The following CCDC81 variants were observed in gnomAD, a reference collection of about 807,000 sequenced individuals.
CCDC81 encodes coiled-coil domain-containing protein 81.
CCDC81 carries 79 observed loss-of-function variants against 83.7 expected under a neutral mutation model. The observed-to-expected ratio is 0.94, with a 90% CI of 0.79 to 1.14. CCDC81 has a LOEUF of 1.14. CCDC81 is among the 50% of genes most tolerant of loss of function. The probability of loss-of-function intolerance (pLI) is 0.00; values close to 1 mark genes in which losing one functional copy is unlikely to be tolerated. For synonymous variants in CCDC81, 252 were observed against 278.1 expected (o/e 0.91, Z 0.93); for missense variants, 791 against 778.1 (o/e 1.02, Z -0.20).
At chr11:86,381,062 G>A (rs965234526) in intron 1 of CCDC81, among the ~76,000 whole-genome samples, 1 of 152,108 alleles carries the variant, frequency 6.6e-6, no homozygotes, top group Admixed American at 6.6e-5. Context: ...TAATGTAGGG[G>A]TAGAGTGTGG....
intron 7 of CCDC81, 39 bp from the exon 8 acceptor site, chr11:86,407,575 T>C: frequency 1.5e-6 from 2 of 1,344,484 alleles, no homozygotes; most frequent in African/African-American, 1.4e-5. Context: ...TGAGGTCAGA[T>C]TGTATTAAAC....
At chr11:86,406,705 C>T (rs541003641) in intron 7 of CCDC81, among the ~76,000 whole-genome samples, 3 of 151,840 alleles carry the variant, frequency 2.0e-5, no homozygotes, top group South Asian at 2.1e-4. Context: ...CTCAGGAGGC[C>T]GAGGCAGGAG....
intron 1 of CCDC81, among the ~76,000 whole-genome samples, chr11:86,375,504 T>A (rs1397036410): frequency 1.3e-5 from 2 of 152,060 alleles, no homozygotes; most frequent in Non-Finnish European, 2.9e-5. Flanking sequence ...AAGTGCTCAA[T>A]AAAGGTTAGG....
At chr11:86,397,859 C>CTTT in intron 6 of CCDC81, 117 bp downstream of exon 6, 1 of 1,096,910 alleles carries the variant, frequency 9.1e-7, no homozygotes, top group Non-Finnish European at 1.2e-6. Flanking sequence ...ATTATTATTA[C>CTTT]TTTTTTTTTT....
intron 3 of CCDC81, among the ~76,000 whole-genome samples, chr11:86,387,886 A>G (rs2138502873): frequency 6.6e-6 from 1 of 152,328 alleles, no homozygotes; most frequent in Admixed American, 6.5e-5. Flanking sequence ...AAGAGGAAGG[A>G]GTGAAAAAAC....
Position 86,415,173 on chromosome 11 carries a change from G to A in CCDC81, c.1551G>A (p.Leu517=), listed in dbSNP as rs753444162. 1 of 1,614,232 alleles carries A rather than the reference G, an allele frequency of 6.2e-7. No homozygotes were observed. The highest frequency in any genetic ancestry group is 8.5e-7 in the Non-Finnish European group (1 of 1,180,048). ...EPIFGKNEGE[L]MVEKQKREQN... ...TCTTTGGTAAGAATGAGGGTGAACTGATGGTGGAAAAGCAAAAGCGAGAAC... is the reference window on the plus strand; with the variant it reads ...TCTTTGGTAAGAATGAGGGTGAACTAATGGTGGAAAAGCAAAAGCGAGAAC... Residue 517 remains leucine (L), a synonymous_variant, in exon 13 of 15, where the codon CTG becomes CTA. Transcript: ENST00000445632.
In CCDC81 at chr11:86,397,675, ATG is replaced by A. The variant is rs757326751; in HGVS notation, c.693_694del (p.Cys231TrpfsTer4). 1 of 1,613,894 alleles carries A rather than the reference ATG, an allele frequency of 6.2e-7. No individual in the cohort carries two copies. Among genetic ancestry groups the A allele is most frequent in the Non-Finnish European group, 8.5e-7 (1 of 1,179,862 alleles). On this transcript the variant is annotated frameshift_variant, in exon 6 of 15. Coordinates refer to ENST00000445632, the MANE Select transcript of CCDC81 (RefSeq NM_001156474.2). LOFTEE classifies it high-confidence loss of function. Reference protein sequence around the residue: ...KLPMETLVEECGENRERKCKL... With the variant: ...KLPMETLVEEXGENRERKCKL... The stretch of plus-strand genomic sequence containing the variant: ...TGCCTATGGAGACCCTTGTAGAAGA[ATG>A]TGGAGAGAATAGAGAAAGGAAGTGC...
Position 86,386,616 on chromosome 11 carries a change from T to C in CCDC81, c.141+504T>C, listed in dbSNP as rs529923125. Among the ~76,000 whole-genome samples the C allele has an allele frequency of 7.9e-5, 12 of 152,304 alleles. No individual in the cohort carries two copies. In the East Asian group the frequency reaches 1.7e-3, roughly 22 times the overall value. On this transcript the variant is annotated intron_variant, in intron 2 of 14. Transcript: ENST00000445632. ...ACTGGACAGAGATTTGGGGATGAGC[T>C]TGGGGGAAGCTGGGAAGTTGTGGAA...
intron 11 of CCDC81, 88 bp from the exon 12 acceptor site, chr11:86,414,701 T>C: frequency 1.3e-6 from 1 of 755,552 alleles, no homozygotes; most frequent in Non-Finnish European, 2.2e-6. Flanking sequence ...TCCTATTTAA[T>C]ACTTATTAAA....
chr11:86,404,405 G>C (rs1948537145), intron 7 of CCDC81, among the ~76,000 whole-genome samples: 1 of 152,182 alleles, frequency 6.6e-6, no homozygotes, highest in South Asian at 2.1e-4. Context: ...GTCAGGGACT[G>C]TATGGCCCTC....
At position 86,422,008 on chromosome 11, in the gene CCDC81, GAA is replaced by G. The variant is rs1357471067; in HGVS notation, c.1818-564_1818-563del. Reference sequence around the variant, plus strand: ...GTAACGAAGAAAAACCATCAAAGGGGAAAGTCAGTTACTACTGCCTCTTTATT... The same window carrying G: ...GTAACGAAGAAAAACCATCAAAGGGGAGTCAGTTACTACTGCCTCTTTATT... On this transcript the variant is annotated intron_variant, in intron 14 of 14. Coordinates refer to ENST00000445632, the MANE Select transcript of CCDC81 (RefSeq NM_001156474.2). Among the ~76,000 whole-genome samples, 6 of 152,220 alleles carry G rather than the reference GAA, an allele frequency of 3.9e-5. No individual in the cohort carries two copies. In the East Asian group the frequency reaches 1.2e-3, roughly 29 times the overall value.
Position 86,422,630 on chromosome 11 carries a change from A to G in CCDC81, c.1874A>G (p.Gln625Arg), listed in dbSNP as rs1169762915. Reference protein sequence around the residue: ...DQCEKYRRCKQCQRRTSNVGE... With the variant: ...DQCEKYRRCKRCQRRTSNVGE... ...TGTGAGAAGTATCGGCGCTGCAAGCAATGCCAGAGGCGCACCTCCAACGTG... is the reference window on the plus strand; with the variant it reads ...TGTGAGAAGTATCGGCGCTGCAAGCGATGCCAGAGGCGCACCTCCAACGTG... Residue 625 changes from glutamine (Q) to arginine (R), a missense_variant, in exon 15 of 15, where the codon CAA (glutamine) becomes CGA (arginine). Coordinates refer to ENST00000445632, the MANE Select transcript of CCDC81 (RefSeq NM_001156474.2). 6.2e-7 allele frequency: 1 copy of G among 1,614,098 alleles called. No homozygotes were observed. Among genetic ancestry groups the G allele is most frequent in the Non-Finnish European group, 8.5e-7 (1 of 1,179,968 alleles).
rs201589694 is a variant in CCDC81 at position 86,412,512 on chromosome 11, A to C, written c.1344A>C (p.Gln448His). 2.5e-6 allele frequency: 4 copies of C among 1,613,998 alleles called. No individual in the cohort carries two copies. In the African/African-American group the frequency reaches 4.0e-5, roughly 16 times the overall value. The change falls in exon 11 of 15, where the codon CAA (glutamine) becomes CAC (histidine). Residue 448 changes from glutamine to histidine, a missense_variant. Coordinates refer to ENST00000445632, the MANE Select transcript of CCDC81 (RefSeq NM_001156474.2). ...AGGAAAACGAAATAAAGCAAAGACA[A>C]TACAGAGAGTTGATGGACCGCCTGG... is the stretch of plus-strand genomic sequence containing the variant. The part of the protein sequence containing the change: ...NRQENEIKQR[Q>H]YRELMDRLEQ...
chr11:86,417,560 C>T (rs1322491269), intron 13 of CCDC81, among the ~76,000 whole-genome samples: 1 of 151,858 alleles, frequency 6.6e-6, no homozygotes, highest in African/African-American at 2.4e-5. Flanking sequence ...TTAATAGCAG[C>T]ATATTATCTA....
intron 13 of CCDC81, among the ~76,000 whole-genome samples, chr11:86,417,330 G>A (rs1406848669): frequency 6.8e-6 from 1 of 146,736 alleles, no homozygotes; most frequent in Non-Finnish European, 1.5e-5. Flanking sequence ...AATTTTTTTT[G>A]TAAAAAATAA....
chr11:86,402,541 G>A (rs560774040), intron 7 of CCDC81, among the ~76,000 whole-genome samples: 24 of 134,544 alleles, frequency 1.8e-4, no homozygotes, highest in African/African-American at 6.2e-4. Flanking sequence ...CAGTTTTTAA[G>A]TACTATAAAT....
chr11:86,418,866 T>C (rs1049105450), intron 13 of CCDC81, among the ~76,000 whole-genome samples: 6 of 152,132 alleles, frequency 3.9e-5, no homozygotes, highest in Non-Finnish European at 8.8e-5. Context: ...TGTTATGTGT[T>C]TTTTTAAACC....
chr11:86,396,921 G>C (rs952438521), intron 5 of CCDC81, among the ~76,000 whole-genome samples: 6 of 152,170 alleles, frequency 3.9e-5, no homozygotes, highest in African/African-American at 1.4e-4. Flanking sequence ...CAGAGATGGA[G>C]TCGCCATCAA....
At position 86,422,965 on chromosome 11, in the gene CCDC81, A is replaced by G. The variant is rs530553515; in HGVS notation, c.*250A>G. 8.1e-5 allele frequency: 33 copies of G among 405,458 alleles called. No homozygotes were observed. Among genetic ancestry groups the G allele is most frequent in the Non-Finnish European group, 1.3e-4 (30 of 226,400 alleles). 25.1% of individuals were successfully genotyped at this position (405,458 alleles called of 1,614,324 possible). On this transcript the variant is annotated 3_prime_UTR_variant, in exon 15 of 15. Coordinates refer to ENST00000445632, the MANE Select transcript of CCDC81 (RefSeq NM_001156474.2). ...GGTCCTGAGGGCTAGAACCTGCTGC[A>G]CAGGGGCTGGGAATGGGATCCAGCT... is the stretch of plus-strand genomic sequence containing the variant.
Sources: gnomAD v4.1 joint callset for allele counts (sites outside exome capture counted in the v4.1 genomes callset) on GRCh38, gnomAD v4.1.1 for gene constraint, MANE v1.5 for transcripts, NCBI Gene and HGNC (gene_info 2026-07-23, HGNC 2026-07-21) for gene names.